DPP9: variants seen among roughly 807,000 people sequenced by gnomAD.
DPP9 encodes the protein dipeptidyl peptidase 9.
DPP9 carries 50 observed loss-of-function variants against 110.7 expected under a neutral mutation model. The observed-to-expected ratio is 0.45, with a 90% CI of 0.36 to 0.57. The LOEUF is 0.57. DPP9 is among the 20% of genes least tolerant of loss of function. The pLI, the probability that DPP9 is intolerant of heterozygous loss-of-function variation, is 0.00. For synonymous variants in DPP9, 561 were observed against 514.4 expected (o/e 1.09, Z -1.23); for missense variants, 1,022 against 1,217.9 (o/e 0.84, Z 2.39).
In DPP9 at chr19:4,714,123, T is replaced by C; in HGVS notation, c.271A>G (p.Thr91Ala). Residue 91 changes from threonine to alanine, a missense_variant, in exon 4 of 22, where the codon ACG becomes GCG. Physicochemically the swap from Thr to Ala is moderately conservative, Grantham distance 58. Coordinates refer to ENST00000262960, the MANE Select transcript of DPP9 (RefSeq NM_139159.5). ...TGGGAGTGGGGCCCAGACTCATCCG[T>C]CTTCTGCACAAACTGGAAGTCGTGG... ...APHDFQFVQKTDESGPHSHRL... is the reference protein window; with the variant it reads ...APHDFQFVQKADESGPHSHRL... 1 of 1,613,476 alleles carries C rather than the reference T, an allele frequency of 6.2e-7. No homozygotes were observed. The highest frequency in any genetic ancestry group is 1.1e-5 in the South Asian group (1 of 91,026).
intron 13 of DPP9, among the ~76,000 whole-genome samples, chr19:4,692,530 C>A (rs985413092): frequency 1.3e-5 from 2 of 152,140 alleles, no homozygotes; most frequent in Non-Finnish European, 2.9e-5. Context: ...CACCTCCTCG[C>A]CATGCAGCTG....
rs1325505190 is a variant in DPP9, at chr19:4,694,654, T to C, written c.1516+7A>G. 1.9e-6 allele frequency: 3 copies of C among 1,609,352 alleles called. No individual in the cohort carries two copies. Among genetic ancestry groups the C allele is most frequent in the Non-Finnish European group, 1.7e-6 (2 of 1,177,754 alleles). On this transcript the variant is annotated splice_region_variant and intron_variant, in intron 13 of 21. Transcript: ENST00000262960. The surrounding 1 kb of genome is among the most constrained non-coding windows in gnomAD (Gnocchi z 4.0). The stretch of plus-strand genomic sequence containing the variant: ...TGAGTCGACAGCATTCGTCAGGCTC[T>C]GCTCACCTTCCCCGGGGCTGAAGGG...
chr19:4,682,715 C>G lies in DPP9; in HGVS notation c.2455G>C (p.Val819Leu). Reference protein sequence around the residue: ...GYEAGSVALHVEKLPNEPNRL... With the variant: ...GYEAGSVALHLEKLPNEPNRL... ...CCTTACTCATTGGGCAGCTTCTCCACGTGCAGGGCCACGGAACCCGCCTCA... is the reference window on the plus strand; with the variant it reads ...CCTTACTCATTGGGCAGCTTCTCCAGGTGCAGGGCCACGGAACCCGCCTCA... The change falls in exon 20 of 22, where the codon GTG (valine) becomes CTG (leucine). Residue 819 changes from valine (V) to leucine (L), a missense_variant. Physicochemically the swap from Val to Leu is conservative, Grantham distance 32. Around this residue, in one of 3 missense-constraint regions of DPP9, gnomAD observed 209 missense variants for 280.4 expected, o/e 0.75. Coordinates refer to ENST00000262960, the MANE Select transcript of DPP9 (RefSeq NM_139159.5). The surrounding 1 kb of genome is among the most constrained non-coding windows in gnomAD (Gnocchi z 7.1). 6.2e-7 allele frequency: 1 copy of G among 1,609,768 alleles called. No homozygotes were observed. The highest frequency in any genetic ancestry group is 8.5e-7 in the Non-Finnish European group (1 of 1,178,344).
chr19:4,694,628 A>G lies in DPP9; in HGVS notation c.1516+33T>C. The stretch of plus-strand genomic sequence containing the variant: ...TATTGAACCACACGTGACTAACGCG[A>G]TGAGTCGACAGCATTCGTCAGGCTC... On this transcript the variant is annotated intron_variant, in intron 13 of 21. Transcript: ENST00000262960. The surrounding 1 kb of genome is among the most constrained non-coding windows in gnomAD (Gnocchi z 4.0). 6.3e-7 allele frequency: 1 copy of G among 1,598,776 alleles called. No individual in the cohort carries two copies. The highest frequency in any genetic ancestry group is 8.5e-7 in the Non-Finnish European group (1 of 1,172,026).
intron 3 of DPP9, 33 bp downstream of exon 3, chr19:4,719,818 C>T: frequency 6.4e-7 from 1 of 1,551,526 alleles, no homozygotes; most frequent in East Asian, 2.4e-5. Context: ...GGGCCACATC[C>T]TCACGGATCA....
chr19:4,695,495 C>G lies in DPP9; in HGVS notation c.1236G>C (p.Pro412=), dbSNP rs771985674. The change falls in exon 12 of 22, where the codon CCG becomes CCC. Residue 412 remains proline, a synonymous_variant. Coordinates refer to ENST00000262960, the MANE Select transcript of DPP9 (RefSeq NM_139159.5). The surrounding 1 kb of genome is among the most constrained non-coding windows in gnomAD (Gnocchi z 4.7). ...QQWLQLVLLP[P]ALFIPSTENE... Reference sequence around the variant, plus strand: ...TCTCTGTGCTCGGGATGAACAGGGCCGGGGGGAGGAGGACGAGCTGGAGCC... The same window carrying G: ...TCTCTGTGCTCGGGATGAACAGGGCGGGGGGGAGGAGGACGAGCTGGAGCC... 3.2e-6 allele frequency: 5 copies of G among 1,554,042 alleles called. No homozygotes were observed. The South Asian group carries it at 4.8e-5, about 15-fold the overall frequency.
rs78863407 is a variant in DPP9 at position 4,721,390 on chromosome 19, G to A, written c.-36+1109C>T. On this transcript the variant is annotated intron_variant, in intron 2 of 21. Coordinates refer to ENST00000262960, the MANE Select transcript of DPP9 (RefSeq NM_139159.5). The stretch of plus-strand genomic sequence containing the variant: ...AATGAGCTACTGTGCTTTCTTGGAT[G>A]CCGTCTAAAGTCAAAGGGGCCCCTT... 2.0e-5 allele frequency among the ~76,000 whole-genome samples: 3 copies of A among 152,314 alleles called. No homozygotes were observed. In the East Asian group the frequency reaches 5.8e-4, roughly 29 times the overall value.
intron 7 of DPP9, 77 bp downstream of exon 7, chr19:4,703,809 G>A (rs1231671704): frequency 9.5e-6 from 14 of 1,469,798 alleles, no homozygotes; most frequent in Non-Finnish European, 1.1e-5. Flanking sequence ...GAAGACCCTG[G>A]CTGTGGGGGC....
In DPP9 at chr19:4,695,050, C is replaced by A; in HGVS notation, c.1354-227G>T. The A allele has an allele frequency of 1.7e-6, 1 of 602,386 alleles. No individual in the cohort carries two copies. The highest frequency in any genetic ancestry group is 2.9e-6 in the Non-Finnish European group (1 of 343,310). The allele number at this position is 602,386 out of a possible 1,614,324, so 37.3% of individuals were successfully genotyped here. A position where few individuals can be genotyped will look rare whatever the true frequency, so the allele number is the denominator to read the frequency against. ...CTTGTGGTCCTAGCTACTCTGGAGG[C>A]TGAGGTGGGAGGATCACTTAGGCCC... is the stretch of plus-strand genomic sequence containing the variant. On this transcript the variant is annotated intron_variant, in intron 12 of 21. Transcript: ENST00000262960. This position sits in a 1 kb window ranked among gnomAD's most constrained non-coding sequence, Gnocchi z 4.7.
rs569587286 is a variant in DPP9 at position 4,684,553 on chromosome 19, G to A, written c.2178+110C>T. 1.7e-4 allele frequency: 220 copies of A among 1,294,386 alleles called. No homozygotes were observed. In the East Asian group the frequency reaches 5.3e-3, roughly 31 times the overall value. The allele number at this position is 1,294,386 out of a possible 1,614,324, so 80.2% of individuals were successfully genotyped here. A position where few individuals can be genotyped will look rare whatever the true frequency, so the allele number is the denominator to read the frequency against. ...AGCCTGCGTCACCCCAGCCAGAAGT[G>A]CCCTTCTGCGGGTGGTATTCCAGAG... On this transcript the variant is annotated intron_variant, in intron 18 of 21. Coordinates refer to ENST00000262960, the MANE Select transcript of DPP9 (RefSeq NM_139159.5). The surrounding 1 kb of genome is among the most constrained non-coding windows in gnomAD (Gnocchi z 4.8).
intron 21 of DPP9, among the ~76,000 whole-genome samples, chr19:4,679,039 A>G (rs1599854826): frequency 8.4e-6 from 1 of 118,972 alleles, no homozygotes; most frequent in Non-Finnish European, 1.7e-5. Context: ...CCACCCCTCT[A>G]TAGCAGAAGC....
At chr19:4,721,919 A>C (rs1315868794) in intron 2 of DPP9, among the ~76,000 whole-genome samples, 1 of 152,170 alleles carries the variant, frequency 6.6e-6, no homozygotes. Flanking sequence ...CTCAGAGAGA[A>C]AGGTTCAAAT....
At position 4,690,944 on chromosome 19, in the gene DPP9, G is replaced by A. The variant is rs1434935699; in HGVS notation, c.1530C>T (p.Cys510=). The change falls in exon 14 of 22, where the codon TGC becomes TGT. Residue 510 remains cysteine (C), a synonymous_variant. Transcript: ENST00000262960. ...TCAGAGCAATCTCTTCCTTAATGGG[G>A]CACTTAAATTCATCTGGAAAGAAAG... ...PFSPGEDEFK[C]PIKEEIALTS... 6.2e-7 allele frequency: 1 copy of A among 1,612,702 alleles called. No homozygotes were observed. Among genetic ancestry groups the A allele is most frequent in the Non-Finnish European group, 8.5e-7 (1 of 1,179,374 alleles).
At position 4,679,957 on chromosome 19, in the gene DPP9, G is replaced by C; in HGVS notation, c.2475-11C>G. ...AGCAAGCGGTTGGGCCTGGAAAACA[G>C]ATGGGGAAGGGTCTGAGGCCAGGGA... On this transcript the variant is annotated splice_polypyrimidine_tract_variant and intron_variant, in intron 20 of 21. Coordinates refer to ENST00000262960, the MANE Select transcript of DPP9 (RefSeq NM_139159.5). 6.2e-7 allele frequency: 1 copy of C among 1,601,190 alleles called. No homozygotes were observed. The highest frequency in any genetic ancestry group is 8.5e-7 in the Non-Finnish European group (1 of 1,171,462).
chr19:4,680,939 AGAGT>A (rs1402564749), intron 20 of DPP9, among the ~76,000 whole-genome samples: 5 of 152,156 alleles, frequency 3.3e-5, no homozygotes, highest in African/African-American at 1.2e-4. Flanking sequence ...CCGGGACCAC[AGAGT>A]GAGACTCTCT....
At position 4,685,601 on chromosome 19, in the gene DPP9, G is replaced by A; in HGVS notation, c.2031+25C>T. 1.3e-6 allele frequency: 2 copies of A among 1,585,698 alleles called. No individual in the cohort carries two copies. Among genetic ancestry groups the A allele is most frequent in the Non-Finnish European group, 1.7e-6 (2 of 1,166,898 alleles). ...TCCTCGGGTGGATGGTGGGGTGGGG[G>A]CCTGGGGAGCAGGTGTGCACTCACC... On this transcript the variant is annotated intron_variant, in intron 17 of 21. Coordinates refer to ENST00000262960, the MANE Select transcript of DPP9 (RefSeq NM_139159.5). This position sits in a 1 kb window ranked among gnomAD's most constrained non-coding sequence, Gnocchi z 5.8.
At position 4,696,636 on chromosome 19, in the gene DPP9, G is replaced by GTAATCCCAGC. The variant is rs375426750; in HGVS notation, c.1175+914_1175+915insGCTGGGATTA. 3.8e-3 allele frequency among the ~76,000 whole-genome samples: 581 copies of GTAATCCCAGC among 152,048 alleles called. 6 individuals carry two copies. Among genetic ancestry groups the GTAATCCCAGC allele is most frequent in the African/African-American group, 0.013 (550 of 41,448 alleles). ...TGGCTGGGCATGGTGGCACGTGCCT[G>GTAATCCCAGC]TACTCGGGAGGCTGAGGCAGGAGAA... On this transcript the variant is annotated intron_variant, in intron 11 of 21. Coordinates refer to ENST00000262960, the MANE Select transcript of DPP9 (RefSeq NM_139159.5).
Position 4,693,441 on chromosome 19 carries a change from A to ACCGGG in DPP9, c.1516+1219_1516+1220insCCCGG, listed in dbSNP as rs1414242237. ...TCCACTACCGGGCACCTCAACTTGA[A>ACCGGG]CACATCCAAACCCGACTCTGGATTT... On this transcript the variant is annotated intron_variant, in intron 13 of 21. Transcript: ENST00000262960. This position sits in a 1 kb window ranked among gnomAD's most constrained non-coding sequence, Gnocchi z 5.0. 2.0e-5 allele frequency among the ~76,000 whole-genome samples: 3 copies of ACCGGG among 152,084 alleles called. No individual in the cohort carries two copies. Among genetic ancestry groups the ACCGGG allele is most frequent in the Non-Finnish European group, 4.4e-5 (3 of 67,980 alleles).
intron 3 of DPP9, chr19:4,715,851 G>A (rs138137175): frequency 0.022 from 3,345 of 152,292 alleles, 46 homozygotes; most frequent in Middle Eastern, 0.037. Context: ...TGGCCGCCGC[G>A]GTGTCACATC....
Sources: gnomAD v4.1 joint callset for allele counts (sites outside exome capture counted in the v4.1 genomes callset) on GRCh38, gnomAD v4.1.1 for gene constraint, gnomAD v4.1.1 regional missense constraint, Gnocchi (gnomAD v3.1) non-coding constraint, MANE v1.5 for transcripts, NCBI Gene and HGNC (gene_info 2026-07-23, HGNC 2026-07-21) for gene names.